LTO1: variants seen among roughly 807,000 people sequenced by gnomAD.
LTO1 encodes protein LTO1 homolog.
LTO1 carries 18 observed loss-of-function variants against 19.8 expected under a neutral mutation model. The ratio of observed to expected loss-of-function variants is 0.91; its 90% CI spans 0.63 to 1.35. The LOEUF (loss-of-function observed/expected upper bound fraction) is 1.35, where lower values mean the gene tolerates loss of function less well. Among genes scored for constraint, LTO1 ranks in the 40% most tolerant of loss-of-function variants. The probability of loss-of-function intolerance (pLI) is 0.00; values close to 1 mark genes in which losing one functional copy is unlikely to be tolerated. For synonymous variants in LTO1, 59 were observed against 59.6 expected (o/e 0.99, Z 0.05); for missense variants, 175 against 167.9 (o/e 1.04, Z -0.23).
rs982587037 is a variant in LTO1 at position 69,666,620 on chromosome 11, A to G, written c.*899T>C. 1 of 152,326 alleles carries G rather than the reference A, an allele frequency of 6.6e-6. No individual in the cohort carries two copies. The highest frequency in any genetic ancestry group is 2.4e-5 in the African/African-American group (1 of 41,468). The allele number at this position is 152,326 out of a possible 1,614,324, so 9.4% of individuals were successfully genotyped here. A position where few individuals can be genotyped will look rare whatever the true frequency, so the allele number is the denominator to read the frequency against. ...CATGGTTCTCAAAGCTTCTGCAAAT[A>G]TAACGGCGGCCTAACATTTGGTCTT... On this transcript the variant is annotated 3_prime_UTR_variant, in exon 5 of 5. Coordinates refer to ENST00000279147, the MANE Select transcript of LTO1 (RefSeq NM_153451.3).
chr11:69,668,302 G>A lies in LTO1; in HGVS notation c.228-290C>T, dbSNP rs1190913135. On this transcript the variant is annotated intron_variant, in intron 3 of 4. Transcript: ENST00000279147. The stretch of plus-strand genomic sequence containing the variant: ...GCAGCCAGAAGCCCTGCTGACTCTC[G>A]AGGTCACACATGCAGAAACAGACAG... 3.7e-5 allele frequency: 12 copies of A among 328,098 alleles called. No individual in the cohort carries two copies. The East Asian group carries it at 4.3e-4, about 12-fold the overall frequency. 20.3% of individuals were successfully genotyped at this position (328,098 alleles called of 1,614,324 possible).
Position 69,667,793 on chromosome 11 carries a change from C to T in LTO1, c.345+102G>A, listed in dbSNP as rs112915451. On this transcript the variant is annotated intron_variant, in intron 4 of 4. Transcript: ENST00000279147. ...TCTACGGACAGTTCCGCGGCGCACG[C>T]AGCCCCAGGCCATTGCCGCAGCGGC... The T allele has an allele frequency of 0.011, 8,474 of 771,102 alleles. 496 individuals are homozygous for T. In the African/African-American group the frequency reaches 0.12, roughly 11 times the overall value. The allele number at this position is 771,102 out of a possible 1,614,324, so 47.8% of individuals were successfully genotyped here.
intron 3 of LTO1, chr11:69,668,271 G>C (rs778653111): frequency 2.6e-6 from 1 of 390,168 alleles, no homozygotes; most frequent in East Asian, 4.7e-5. Flanking sequence ...GGGCCAAGGG[G>C]CTGAGGCAGC....
At chr11:69,674,439 G>T (rs918484273) in intron 1 of LTO1, 22 of 277,936 alleles carry the variant, frequency 7.9e-5, no homozygotes, top group African/African-American at 4.7e-4. Context: ...GGAGTGGGCT[G>T]CAGCGCCCCA....
chr11:69,675,186 C>A lies in LTO1; in HGVS notation c.50+4G>T, dbSNP rs1422474919. The A allele has an allele frequency of 1.3e-6, 2 of 1,573,224 alleles. No homozygotes were observed. Among genetic ancestry groups the A allele is most frequent in the Admixed American group, 2.0e-5 (1 of 49,508 alleles). On this transcript the variant is annotated splice_donor_region_variant and intron_variant, in intron 1 of 4. Transcript: ENST00000279147. Reference sequence around the variant, plus strand: ...CGGGGTGCGGGCCCGGCCTCACCACCCACCTCTCATCCGCCATCACGATGG... The same window carrying A: ...CGGGGTGCGGGCCCGGCCTCACCACACACCTCTCATCCGCCATCACGATGG...
At chr11:69,668,074 C>A (rs1415182511) in intron 3 of LTO1, 62 bp from the exon 4 acceptor site, 6 of 811,746 alleles carry the variant, frequency 7.4e-6, no homozygotes, top group Non-Finnish European at 1.3e-5. Context: ...ACTTACACAA[C>A]AGCTATGCTG....
chr11:69,675,155 A>G, intron 1 of LTO1, 35 bp downstream of exon 1: 1 of 1,587,672 alleles, frequency 6.3e-7, no homozygotes, highest in Non-Finnish European at 8.6e-7. Flanking sequence ...AGACGACCAG[A>G]CAGGGCGGGG....
In LTO1 at chr11:69,675,162, G is replaced by C. The variant is rs201708334; in HGVS notation, c.50+28C>G. On this transcript the variant is annotated intron_variant, in intron 1 of 4. Coordinates refer to ENST00000279147, the MANE Select transcript of LTO1 (RefSeq NM_153451.3). ...CCGCTGGGAGACGACCAGACAGGGC[G>C]GGGTGCGGGCCCGGCCTCACCACCC... 21 of 1,588,282 alleles carry C rather than the reference G, an allele frequency of 1.3e-5. No individual in the cohort carries two copies. In the East Asian group the frequency reaches 4.3e-4, roughly 32 times the overall value.
chr11:69,673,503 T>C lies in LTO1; in HGVS notation c.51-182A>G, dbSNP rs546557969. 696 of 578,312 alleles carry C rather than the reference T, an allele frequency of 1.2e-3. 1 individual carries two copies. The highest frequency in any genetic ancestry group is 1.8e-3 in the Non-Finnish European group (585 of 322,858). The allele number at this position is 578,312 out of a possible 1,614,324, so 35.8% of individuals were successfully genotyped here. ...AGATCTACCACTTCCTATTTGCCTCTGGAAGTCACTGTACCTCTTGTAGCC... is the reference window on the plus strand; with the variant it reads ...AGATCTACCACTTCCTATTTGCCTCCGGAAGTCACTGTACCTCTTGTAGCC... On this transcript the variant is annotated intron_variant, in intron 1 of 4. Transcript: ENST00000279147.
chr11:69,675,031 G>T, intron 1 of LTO1, 159 bp downstream of exon 1: 1 of 709,918 alleles, frequency 1.4e-6, no homozygotes. Flanking sequence ...CAGAGCATCA[G>T]GCCCACACTT....
In LTO1 at chr11:69,667,433, A is replaced by G; in HGVS notation, c.*86T>C. 1 of 908,374 alleles carries G rather than the reference A, an allele frequency of 1.1e-6. No homozygotes were observed. Among genetic ancestry groups the G allele is most frequent in the Admixed American group, 1.8e-5 (1 of 55,470 alleles). The allele number at this position is 908,374 out of a possible 1,614,324, so 56.3% of individuals were successfully genotyped here. On this transcript the variant is annotated 3_prime_UTR_variant, in exon 5 of 5. Transcript: ENST00000279147. The stretch of plus-strand genomic sequence containing the variant: ...CCTCCCAATGAACAACTGCCTTCCC[A>G]GCACCGTCTGGCCCTTCACCGCATT...
chr11:69,674,682 G>A (rs1257612703), intron 1 of LTO1: 1 of 445,534 alleles, frequency 2.2e-6, no homozygotes, highest in Non-Finnish European at 4.5e-6. Context: ...CTATGGACGC[G>A]TCCTCTGGGC....
chr11:69,668,230 A>G (rs1856061639), intron 3 of LTO1: 4 of 500,516 alleles, frequency 8.0e-6, no homozygotes, highest in Non-Finnish European at 1.4e-5. Context: ...GTGTGTGCCT[A>G]GCTTACAGAC....
rs1256862157 is a variant in LTO1 at position 69,667,564 on chromosome 11, C to A, written c.369G>T (p.Gln123His). 1.2e-5 allele frequency: 20 copies of A among 1,611,272 alleles called. No homozygotes were observed. The highest frequency in any genetic ancestry group is 1.6e-5 in the Non-Finnish European group (19 of 1,177,502). Residue 123 changes from glutamine to histidine, a missense_variant, in exon 5 of 5, where the codon CAG becomes CAT. Coordinates refer to ENST00000279147, the MANE Select transcript of LTO1 (RefSeq NM_153451.3). Reference protein sequence around the residue: ...FKQFCSLLNVQPDFKISAEGS... With the variant: ...FKQFCSLLNVHPDFKISAEGS... ...CTTCTGCACTAATTTTAAAGTCTGG[C>A]TGAACATTGAGTAACGAACAAAACT...
intron 3 of LTO1, among the ~76,000 whole-genome samples, chr11:69,670,286 C>A (rs569308585): frequency 6.6e-6 from 1 of 152,222 alleles, no homozygotes; most frequent in Non-Finnish European, 1.5e-5. Context: ...TGGCACACAG[C>A]GGAGCACTTC....
At position 69,668,219 on chromosome 11, in the gene LTO1, A is replaced by G. The variant is rs2119836350; in HGVS notation, c.228-207T>C. ...GCCCATACCCAGTGCCTCGACAGCA[A>G]GTGTGTGCCTAGCTTACAGACACGC... is the stretch of plus-strand genomic sequence containing the variant. On this transcript the variant is annotated intron_variant, in intron 3 of 4. Coordinates refer to ENST00000279147, the MANE Select transcript of LTO1 (RefSeq NM_153451.3). 5 of 518,098 alleles carry G rather than the reference A, an allele frequency of 9.7e-6. No homozygotes were observed. In the East Asian group the frequency reaches 1.6e-4, roughly 17 times the overall value. The allele number at this position is 518,098 out of a possible 1,614,324, so 32.1% of individuals were successfully genotyped here.
intron 3 of LTO1, 48 bp from the exon 4 acceptor site, chr11:69,668,060 C>G: frequency 1.1e-6 from 1 of 916,964 alleles, no homozygotes; most frequent in Non-Finnish European, 1.8e-6. Flanking sequence ...ACACAACAGG[C>G]TCAACTTACA....
At position 69,667,127 on chromosome 11, in the gene LTO1, G is replaced by A. The variant is rs531342907; in HGVS notation, c.*392C>T. The A allele has an allele frequency of 3.1e-4, 57 of 184,124 alleles. No individual in the cohort carries two copies. The highest frequency in any genetic ancestry group is 5.6e-4 in the Non-Finnish European group (50 of 89,768). 11.4% of individuals were successfully genotyped at this position (184,124 alleles called of 1,614,324 possible). A position where few individuals can be genotyped will look rare whatever the true frequency, so the allele number is the denominator to read the frequency against. ...TCCAAACCTCCCATGAGCCTCATTC[G>A]GGGCCAACCATCTCTCTCATTGCAA... On this transcript the variant is annotated 3_prime_UTR_variant, in exon 5 of 5. Transcript: ENST00000279147.
At chr11:69,675,161 C>G (rs1362878015) in intron 1 of LTO1, 29 bp downstream of exon 1, 3 of 1,585,578 alleles carry the variant, frequency 1.9e-6, no homozygotes, top group East Asian at 2.3e-5. Context: ...CCAGACAGGG[C>G]GGGGTGCGGG....
Sources: allele counts gnomAD v4.1 joint callset (sites outside exome capture counted in the v4.1 genomes callset), GRCh38; gene constraint gnomAD v4.1.1; transcripts MANE v1.5; gene names NCBI Gene and HGNC (gene_info 2026-07-23, HGNC 2026-07-21).